Variants in FRMD4B observed in about 807,000 individuals in gnomAD.
FRMD4B encodes the protein FERM domain containing 4B.
Under a neutral mutation model 141.5 loss-of-function variants are expected in FRMD4B, and 74 were observed. That is an observed-to-expected ratio of 0.52 (90% CI 0.43 to 0.63). The LOEUF is 0.63. Among genes scored for constraint, FRMD4B ranks in the 30% least tolerant of loss-of-function variants. FRMD4B has a pLI of 0.00. For missense variants in FRMD4B, 1,366 were observed against 1,253.4 expected (o/e 1.09, Z -1.36); for synonymous variants, 506 against 467.9 (o/e 1.08, Z -1.05).
At chr3:69,217,079 A>G (rs1447295573) in intron 10 of FRMD4B, among the ~76,000 whole-genome samples, 1 of 152,198 alleles carries the variant, frequency 6.6e-6, no homozygotes, top group Non-Finnish European at 1.5e-5. Flanking sequence ...AAGTGGTTCC[A>G]ATTCCTGATG....
intron 2 of FRMD4B, among the ~76,000 whole-genome samples, chr3:69,424,420 A>G (rs6778659): frequency 0.26 from 40,130 of 152,072 alleles, 5,941 homozygotes; most frequent in East Asian, 0.47. Context: ...TGGCCTCCCA[A>G]AGAGATAGGA....
At chr3:69,437,370 C>A (rs954831480) in intron 1 of FRMD4B, among the ~76,000 whole-genome samples, 2 of 151,068 alleles carry the variant, frequency 1.3e-5, no homozygotes, top group African/African-American at 2.4e-5. Flanking sequence ...CTGTGCCTGG[C>A]CAATTGTAAT....
chr3:69,520,175 A>C (rs57502040), intron 1 of FRMD4B, among the ~76,000 whole-genome samples: 1 of 114,086 alleles, frequency 8.8e-6, no homozygotes, highest in Non-Finnish European at 1.7e-5. Flanking sequence ...ATATGATGGA[A>C]TATATATATG....
intron 1 of FRMD4B, among the ~76,000 whole-genome samples, chr3:69,336,073 T>G (rs1466020989): frequency 6.7e-6 from 1 of 148,198 alleles, no homozygotes; most frequent in Non-Finnish European, 1.5e-5. Context: ...TAAGATTTTC[T>G]TTACCCCTCA....
At chr3:69,540,672 C>T (rs1178040130) in intron 1 of FRMD4B, among the ~76,000 whole-genome samples, 5,029 of 118,406 alleles carry the variant, frequency 0.042, 180 homozygotes, top group Non-Finnish European at 0.057. Flanking sequence ...CACACACACA[C>T]ACACACACAC....
In FRMD4B at chr3:69,480,915, C is replaced by T. The variant is rs543121881; in HGVS notation, c.-128-48154G>A. On this transcript the variant is annotated intron_variant, in intron 1 of 5. Transcript: ENST00000459638. ...TTACCTAAGCAAGCCTGGGCAATGG[C>T]GGGCGCCCCTCCCCCAGCCTCTCTG... Among the ~76,000 whole-genome samples, 291 of 152,308 alleles carry T rather than the reference C, an allele frequency of 1.9e-3. 3 individuals are homozygous for T. Among genetic ancestry groups the T allele is most frequent in the Non-Finnish European group, 2.9e-3 (198 of 68,020 alleles).
At position 69,496,636 on chromosome 3, in the gene FRMD4B, AAAG is replaced by A. The variant is rs1706399370; in HGVS notation, c.-129+45567_-129+45569del. Among the ~76,000 whole-genome samples, 188 of 118,204 alleles carry A rather than the reference AAAG, an allele frequency of 1.6e-3. 1 individual carries two copies. The highest frequency in any genetic ancestry group is 2.1e-3 in the African/African-American group (62 of 29,190). 77.5% of individuals were successfully genotyped at this position (118,204 alleles called of 152,430 possible). A position where few individuals can be genotyped will look rare whatever the true frequency, so the allele number is the denominator to read the frequency against. ...GTGAGAGAGAGAGAGAGAGAGAGAG[AAAG>A]AGAGAGAGAGAGAGAGAGAGAGAGA... On this transcript the variant is annotated intron_variant, in intron 1 of 5. Transcript: ENST00000459638.
chr3:69,510,062 C>A (rs1269716849), intron 1 of FRMD4B, among the ~76,000 whole-genome samples: 2 of 152,074 alleles, frequency 1.3e-5, no homozygotes, highest in African/African-American at 4.8e-5. Context: ...ACTGAACCTG[C>A]AGTATCTACA....
intron 1 of FRMD4B, among the ~76,000 whole-genome samples, chr3:69,530,417 C>G (rs1248979170): frequency 2.0e-5 from 3 of 152,144 alleles, no homozygotes. Context: ...CACCTCTTCC[C>G]TCCTCTCTCA....
At chr3:69,274,666 A>C (rs1575681418) in intron 5 of FRMD4B, among the ~76,000 whole-genome samples, 1 of 152,068 alleles carries the variant, frequency 6.6e-6, no homozygotes, top group East Asian at 1.9e-4. Flanking sequence ...CTACAGGTGC[A>C]TGCCACCAGG....
At chr3:69,363,549 C>G (rs1703541722) in intron 1 of FRMD4B, among the ~76,000 whole-genome samples, 1 of 152,066 alleles carries the variant, frequency 6.6e-6, no homozygotes, top group African/African-American at 2.4e-5. Context: ...GCCACCACGC[C>G]TGGCTAATTT....
At chr3:69,193,015 T>G (rs1162386146) in intron 17 of FRMD4B, among the ~76,000 whole-genome samples, 3 of 151,818 alleles carry the variant, frequency 2.0e-5, no homozygotes, top group Non-Finnish European at 4.4e-5. Context: ...GAGACGGGGT[T>G]TCACCACGCT....
intron 3 of FRMD4B, among the ~76,000 whole-genome samples, chr3:69,304,169 T>G (rs1219894177): frequency 8.5e-6 from 1 of 117,524 alleles, no homozygotes; most frequent in Non-Finnish European, 1.7e-5. Flanking sequence ...GAGGGATAAC[T>G]TGTCTCAAAA....
intron 3 of FRMD4B, chr3:69,310,354 G>C (rs1701535814): frequency 2.4e-6 from 1 of 408,950 alleles, no homozygotes; most frequent in Non-Finnish European, 4.9e-6. Flanking sequence ...ATTTAAATTG[G>C]CAGCATTATG....
chr3:69,350,718 G>T (rs1052608928), intron 1 of FRMD4B, among the ~76,000 whole-genome samples: 8 of 151,700 alleles, frequency 5.3e-5, no homozygotes, highest in Non-Finnish European at 1.2e-4. Context: ...GCAAACTATC[G>T]CAAGGACAAA....
At chr3:69,493,571 C>G (rs1706337507) in intron 1 of FRMD4B, among the ~76,000 whole-genome samples, 1 of 152,172 alleles carries the variant, frequency 6.6e-6, no homozygotes, top group Admixed American at 6.5e-5. Flanking sequence ...AGTTTGACCA[C>G]TGTATCCAAG....
chr3:69,183,206 A>G (rs2092727257), intron 19 of FRMD4B, among the ~76,000 whole-genome samples: 1 of 152,200 alleles, frequency 6.6e-6, no homozygotes, highest in African/African-American at 2.4e-5. Flanking sequence ...TATGTAAGAG[A>G]ATGGGTGTGG....
At chr3:69,212,381 G>GAAAAAAAAAAAAAAAAAAAA (rs61444871) in intron 11 of FRMD4B, among the ~76,000 whole-genome samples, 4 of 95,598 alleles carry the variant, frequency 4.2e-5, no homozygotes, top group Non-Finnish European at 5.7e-5. Context: ...AAAAAAAAAA[G>GAAAAAAAAAAAAAAAAAAAA]AAAAAAAAAA....
At chr3:69,480,256 G>T (rs1375267927) in intron 1 of FRMD4B, among the ~76,000 whole-genome samples, 307 of 142,158 alleles carry the variant, frequency 2.2e-3, no homozygotes, top group African/African-American at 3.3e-3. Context: ...GTGAGGAACT[G>T]CATTCCTTTG....
Sources: gnomAD v4.1 joint callset for allele counts (sites outside exome capture counted in the v4.1 genomes callset) on GRCh38, gnomAD v4.1.1 for gene constraint, MANE v1.5 for transcripts, NCBI Gene and HGNC (gene_info 2026-07-23, HGNC 2026-07-21) for gene names.